LHFPL3: variants seen among roughly 807,000 people sequenced by gnomAD.
The protein encoded by LHFPL3 is LHFPL tetraspan subfamily member 3 protein.
Under a neutral mutation model 19.3 loss-of-function variants are expected in LHFPL3, and 5 were observed. That is an observed-to-expected ratio of 0.26 (90% CI 0.14 to 0.54). The LOEUF is 0.54. LHFPL3 is among the 20% of genes least tolerant of loss of function. LHFPL3 has a pLI of 0.94. For missense variants in LHFPL3, 249 were observed against 307.4 expected, an observed-to-expected ratio of 0.81 and a Z score of 1.42; for synonymous variants, 133 against 126.2, an observed-to-expected ratio of 1.05 and a Z score of -0.36.
At chr7:104,655,361 G>C (rs747639263) in intron 1 of LHFPL3, among the ~76,000 whole-genome samples, 10 of 152,098 alleles carry the variant, frequency 6.6e-5, no homozygotes, top group Non-Finnish European at 1.2e-4. Context: ...CAGGTATCTG[G>C]GTTTACATTA....
intron 2 of LHFPL3, among the ~76,000 whole-genome samples, chr7:104,888,176 T>G (rs1792185868): frequency 6.6e-6 from 1 of 152,172 alleles, no homozygotes. Flanking sequence ...GTTTTCATGT[T>G]TGGACATATT....
intron 1 of LHFPL3, among the ~76,000 whole-genome samples, chr7:104,723,136 T>C (rs1268073642): frequency 6.6e-6 from 1 of 152,158 alleles, no homozygotes; most frequent in Non-Finnish European, 1.5e-5. Flanking sequence ...TTCAGCTCTT[T>C]AGCAAGAAAA....
chr7:104,810,738 T>C (rs1242803704), intron 2 of LHFPL3, among the ~76,000 whole-genome samples: 1 of 152,204 alleles, frequency 6.6e-6, no homozygotes, highest in East Asian at 1.9e-4. Context: ...ATGACAATTC[T>C]AGTTTTGGAA....
intron 1 of LHFPL3, among the ~76,000 whole-genome samples, chr7:104,554,500 T>C (rs1042676282): frequency 6.6e-6 from 1 of 152,184 alleles, no homozygotes; most frequent in African/African-American, 2.4e-5. Context: ...GCTCGTGTTA[T>C]AGACTAAATG....
intron 1 of LHFPL3, among the ~76,000 whole-genome samples, chr7:104,408,926 G>A (rs893174905): frequency 5.5e-5 from 8 of 146,758 alleles, no homozygotes; most frequent in African/African-American, 1.5e-4. Context: ...GTGCAATGGC[G>A]CGATCTCGTC....
chr7:104,793,381 C>T (rs967450302), intron 2 of LHFPL3, among the ~76,000 whole-genome samples: 4 of 152,012 alleles, frequency 2.6e-5, no homozygotes, highest in Admixed American at 6.6e-5. Flanking sequence ...GCTAGCTTTG[C>T]GTTACAGGAA....
intron 2 of LHFPL3, among the ~76,000 whole-genome samples, chr7:104,809,912 C>T (rs1270022135): frequency 6.6e-6 from 1 of 152,264 alleles, no homozygotes; most frequent in East Asian, 1.9e-4. Context: ...AGCATATAGT[C>T]TATAAGAAAG....
intron 1 of LHFPL3, among the ~76,000 whole-genome samples, chr7:104,514,340 C>G (rs981063809): frequency 6.6e-6 from 1 of 152,194 alleles, no homozygotes; most frequent in African/African-American, 2.4e-5. Flanking sequence ...CTTCCCAGTA[C>G]TTACCACAGT....
intron 1 of LHFPL3, among the ~76,000 whole-genome samples, chr7:104,532,243 A>T (rs1246472770): frequency 6.9e-6 from 1 of 145,700 alleles, no homozygotes; most frequent in Non-Finnish European, 1.5e-5. Flanking sequence ...CAGCCTCCTG[A>T]TTAACTGGAA....
chr7:104,671,263 G>GAA (rs202057013), intron 1 of LHFPL3, among the ~76,000 whole-genome samples: 2 of 149,578 alleles, frequency 1.3e-5, no homozygotes, highest in East Asian at 3.9e-4. Flanking sequence ...TTTTAAAAAA[G>GAA]AAAAAAAAAC....
chr7:104,376,775 G>T (rs6946943), intron 1 of LHFPL3, among the ~76,000 whole-genome samples: 51,516 of 151,704 alleles, frequency 0.34, 9,040 homozygotes, highest in Admixed American at 0.48. Context: ...GCCCTTGCCA[G>T]AATATGTTGG....
chr7:104,598,098 C>T (rs1016377363), intron 1 of LHFPL3, among the ~76,000 whole-genome samples: 1 of 152,098 alleles, frequency 6.6e-6, no homozygotes, highest in Non-Finnish European at 1.5e-5. Flanking sequence ...TAAGAAGGGA[C>T]AAGATGATGT....
intron 1 of LHFPL3, among the ~76,000 whole-genome samples, chr7:104,514,787 A>G (rs1307484190): frequency 6.6e-6 from 1 of 152,192 alleles, no homozygotes; most frequent in African/African-American, 2.4e-5. Context: ...TATATCGGGC[A>G]TTTTTAAATT....
intron 1 of LHFPL3, among the ~76,000 whole-genome samples, chr7:104,352,719 T>C (rs1047103458): frequency 2.6e-5 from 4 of 152,246 alleles, no homozygotes; most frequent in Non-Finnish European, 5.9e-5. Flanking sequence ...GAACAATAAG[T>C]CTGTTTCTCC....
intron 1 of LHFPL3, among the ~76,000 whole-genome samples, chr7:104,684,402 G>A (rs1792768021): frequency 6.6e-6 from 1 of 152,244 alleles, no homozygotes; most frequent in Admixed American, 6.5e-5. Context: ...GATGACTGTT[G>A]CAACTGCTCA....
chr7:104,835,550 A>G (rs1791073906), intron 2 of LHFPL3, among the ~76,000 whole-genome samples: 1 of 150,748 alleles, frequency 6.6e-6, no homozygotes, highest in African/African-American at 2.5e-5. Context: ...CAAACTAAGT[A>G]GACAAAATTC....
intron 1 of LHFPL3, among the ~76,000 whole-genome samples, chr7:104,626,958 A>G (rs1018240698): frequency 6.6e-6 from 1 of 152,180 alleles, no homozygotes; most frequent in Non-Finnish European, 1.5e-5. Context: ...TAACATATCC[A>G]TTACTTCTCT....
intron 1 of LHFPL3, among the ~76,000 whole-genome samples, chr7:104,334,476 G>A (rs1801624938): frequency 6.6e-6 from 1 of 152,212 alleles, no homozygotes; most frequent in Non-Finnish European, 1.5e-5. Flanking sequence ...GAACCCGCAA[G>A]GCGGAGGTTA....
intron 2 of LHFPL3, among the ~76,000 whole-genome samples, chr7:104,865,227 A>G (rs1464009419): frequency 1.3e-5 from 2 of 152,260 alleles, no homozygotes; most frequent in Non-Finnish European, 2.9e-5. Context: ...TGGATGGGGA[A>G]TGACTTTGAC....
Sources: gnomAD v4.1 joint callset for allele counts (sites outside exome capture counted in the v4.1 genomes callset) on GRCh38, gnomAD v4.1.1 for gene constraint, MANE v1.5 for transcripts, NCBI Gene and HGNC (gene_info 2026-07-23, HGNC 2026-07-21) for gene names.